Variants in ZFHX3 observed in about 807,000 individuals in gnomAD.
ZFHX3 encodes zinc finger homeobox 3, also known as zinc finger homeobox protein 3.
ZFHX3 carries 42 observed loss-of-function variants against 279.1 expected under a neutral mutation model. That is an observed-to-expected ratio of 0.15 (90% CI 0.12 to 0.19). The LOEUF (loss-of-function observed/expected upper bound fraction) is 0.19. ZFHX3 is among the 10% of genes least tolerant of loss of function. ZFHX3 has a pLI of 1.00. For missense variants in ZFHX3, 4,981 were observed against 4,754.0 expected (o/e 1.05, Z -1.40); for synonymous variants, 2,293 against 1,957.8 (o/e 1.17, Z -4.52).
chr16:73,779,155 T>C (rs920736016), intron 1 of ZFHX3, among the ~76,000 whole-genome samples: 37 of 152,176 alleles, frequency 2.4e-4, no homozygotes, highest in Admixed American at 2.4e-3. Flanking sequence ...GGCTATAGCA[T>C]TCCCGAGCCT....
intron 3 of ZFHX3, among the ~76,000 whole-genome samples, chr16:73,412,650 T>C (rs2017493906): frequency 6.6e-6 from 1 of 152,224 alleles, no homozygotes; most frequent in Non-Finnish European, 1.5e-5. Flanking sequence ...CTGGGGCTGC[T>C]ATTAGTATCG....
chr16:73,853,334 C>G (rs570587632), intron 1 of ZFHX3, among the ~76,000 whole-genome samples: 1 of 152,164 alleles, frequency 6.6e-6, no homozygotes, highest in Non-Finnish European at 1.5e-5. Context: ...GGTATCTGCT[C>G]AAAGAAAAAG....
Position 72,940,245 on chromosome 16 carries a change from G to A in ZFHX3, c.3216+10224C>T, listed in dbSNP as rs544253319. 1.0e-3 allele frequency among the ~76,000 whole-genome samples: 159 copies of A among 152,230 alleles called. 1 individual carries two copies. The Middle Eastern group carries it at 0.027, about 26-fold the overall frequency. On this transcript the variant is annotated intron_variant, in intron 3 of 9. Transcript: ENST00000268489. ...TAACACATTACACATTCGTGAGCCTGAGTCTGTACAAAATCCTACTTCAAT... is the reference window on the plus strand; with the variant it reads ...TAACACATTACACATTCGTGAGCCTAAGTCTGTACAAAATCCTACTTCAAT...
rs981342805 is a variant in ZFHX3 at position 73,104,544 on chromosome 16, A to T, written c.-896-10946T>A. Among the ~76,000 whole-genome samples, 3 of 152,110 alleles carry T rather than the reference A, an allele frequency of 2.0e-5. No homozygotes were observed. In the South Asian group the frequency reaches 6.2e-4, roughly 32 times the overall value. ...CATGCCCAGCCTCCTGTGGATTTCA[A>T]TGTGACCATTTGGGCAAATCTCTCA... On this transcript the variant is annotated intron_variant, in intron 7 of 17. Transcript: ENST00000641206.
At chr16:73,628,392 A>G (rs979132299) in intron 2 of ZFHX3, among the ~76,000 whole-genome samples, 1 of 152,220 alleles carries the variant, frequency 6.6e-6, no homozygotes, top group Non-Finnish European at 1.5e-5. Context: ...GCTTACAGAA[A>G]TAGTCTGCAG....
intron 2 of ZFHX3, among the ~76,000 whole-genome samples, chr16:73,639,644 TA>T (rs1406344702): frequency 1.3e-5 from 2 of 152,158 alleles, no homozygotes; most frequent in East Asian, 3.9e-4. Flanking sequence ...TTAATGGCAT[TA>T]AAAGCAAGTC....
intron 7 of ZFHX3, among the ~76,000 whole-genome samples, chr16:73,107,550 A>G (rs1229386814): frequency 2.6e-5 from 4 of 152,180 alleles, no homozygotes; most frequent in Non-Finnish European, 5.9e-5. Context: ...GACTCACCCA[A>G]CAAGGTTGAG....
Position 73,292,398 on chromosome 16 carries a change from C to A in ZFHX3, c.-1194+25842G>T, listed in dbSNP as rs145652067. 7.9e-5 allele frequency among the ~76,000 whole-genome samples: 12 copies of A among 152,308 alleles called. No individual in the cohort carries two copies. In the East Asian group the frequency reaches 2.3e-3, roughly 29 times the overall value. ...CCTACTCCAGGGTGATGGCCCATGGCAGCATTCTGTGGCTTTAACTTCCAG... is the reference window on the plus strand; with the variant it reads ...CCTACTCCAGGGTGATGGCCCATGGAAGCATTCTGTGGCTTTAACTTCCAG... On this transcript the variant is annotated intron_variant, in intron 4 of 17. Transcript: ENST00000641206.
chr16:73,617,669 G>C (rs927416327), intron 2 of ZFHX3, among the ~76,000 whole-genome samples: 57 of 151,818 alleles, frequency 3.8e-4, no homozygotes, highest in African/African-American at 1.2e-3. Flanking sequence ...TATTGTCTTT[G>C]TTAGGACTGT....
intron 4 of ZFHX3, among the ~76,000 whole-genome samples, chr16:72,874,701 C>G (rs941345863): frequency 6.6e-6 from 1 of 150,534 alleles, no homozygotes; most frequent in Non-Finnish European, 1.5e-5. Context: ...GCTGTGTTGC[C>G]CAGGGTAGAC....
At chr16:73,000,320 G>C (rs1963447483) in intron 1 of ZFHX3, among the ~76,000 whole-genome samples, 2 of 152,202 alleles carry the variant, frequency 1.3e-5, no homozygotes, top group Non-Finnish European at 2.9e-5. Context: ...TGTGAGTGGT[G>C]AGCATGAATT....
At chr16:73,559,186 T>G (rs2020333028) in intron 2 of ZFHX3, among the ~76,000 whole-genome samples, 1 of 152,032 alleles carries the variant, frequency 6.6e-6, no homozygotes, top group African/African-American at 2.4e-5. Flanking sequence ...TAGCTAAGAC[T>G]ACAGACACAT....
intron 3 of ZFHX3, among the ~76,000 whole-genome samples, chr16:73,416,814 C>A (rs1159154966): frequency 6.7e-6 from 1 of 148,766 alleles, no homozygotes; most frequent in African/African-American, 2.4e-5. Flanking sequence ...GCGGAGCCTG[C>A]AGTGAGCCGA....
intron 1 of ZFHX3, among the ~76,000 whole-genome samples, chr16:73,771,061 T>C (rs949354914): frequency 3.3e-5 from 5 of 152,054 alleles, no homozygotes; most frequent in Admixed American, 2.6e-4. Flanking sequence ...CTGTGAAAAA[T>C]ACAAGATGAG....
At chr16:73,772,573 G>A (rs554903809) in intron 1 of ZFHX3, among the ~76,000 whole-genome samples, 22 of 152,264 alleles carry the variant, frequency 1.4e-4, no homozygotes, top group East Asian at 3.9e-4. Context: ...ACTTTCTGCC[G>A]TAGGTGTCTT....
At chr16:73,100,960 C>T (rs755398408) in intron 7 of ZFHX3, among the ~76,000 whole-genome samples, 3 of 152,288 alleles carry the variant, frequency 2.0e-5, no homozygotes, top group Non-Finnish European at 4.4e-5. Flanking sequence ...GGACCCCCAG[C>T]ACCTGACTGC....
chr16:73,424,753 CAAAAAAAAAAA>C (rs71156163), intron 3 of ZFHX3, among the ~76,000 whole-genome samples: 10 of 95,794 alleles, frequency 1.0e-4, no homozygotes, highest in African/African-American at 1.9e-4. Flanking sequence ...TACCCTGTGT[CAAAAAAAAAAA>C]AAAAAAAAAA....
At chr16:72,923,481 A>G (rs1469697148) in intron 3 of ZFHX3, among the ~76,000 whole-genome samples, 2 of 151,682 alleles carry the variant, frequency 1.3e-5, no homozygotes, top group Non-Finnish European at 2.9e-5. Context: ...CGCTATGAAT[A>G]TATATGCCTT....
intron 3 of ZFHX3, among the ~76,000 whole-genome samples, chr16:73,334,585 C>T (rs1285149303): frequency 2.0e-5 from 3 of 151,986 alleles, no homozygotes; most frequent in Non-Finnish European, 4.4e-5. Flanking sequence ...TCTGCCCGCT[C>T]CCCAAAGGAC....
Sources: allele counts gnomAD v4.1 joint callset (sites outside exome capture counted in the v4.1 genomes callset), GRCh38; gene constraint gnomAD v4.1.1; transcripts MANE v1.5; gene names NCBI Gene and HGNC (gene_info 2026-07-23, HGNC 2026-07-21).